Variants in FAM168A observed in about 807,000 individuals in gnomAD.
FAM168A encodes protein FAM168A.
In FAM168A, 3 loss-of-function variants were observed where a neutral mutation model predicts 28.5. The ratio of observed to expected loss-of-function variants is 0.11; its 90% CI spans 0.05 to 0.27. FAM168A has a LOEUF of 0.27. Ranked by LOEUF, FAM168A falls within the 10% of genes least tolerant of loss-of-function variation. The pLI, the probability that FAM168A is intolerant of heterozygous loss-of-function variation, is 1.00. For missense variants in FAM168A, 222 were observed against 311.5 expected, an observed-to-expected ratio of 0.71 and a Z score of 2.16; for synonymous variants, 122 against 124.2, an observed-to-expected ratio of 0.98 and a Z score of 0.12.
At chr11:73,460,727 C>T (rs933548248) in intron 2 of FAM168A, among the ~76,000 whole-genome samples, 1 of 151,998 alleles carries the variant, frequency 6.6e-6, no homozygotes, top group East Asian at 1.9e-4. Context: ...TGGTCTCGAA[C>T]TCCTGACTTC....
chr11:73,569,746 C>CG (rs1425265222), intron 1 of FAM168A, among the ~76,000 whole-genome samples: 1 of 151,852 alleles, frequency 6.6e-6, no homozygotes, highest in African/African-American at 2.4e-5. Context: ...CACTTGAACC[C>CG]GGGGGGATCG....
At chr11:73,432,653 C>T (rs1867015843) in intron 2 of FAM168A, among the ~76,000 whole-genome samples, 1 of 152,130 alleles carries the variant, frequency 6.6e-6, no homozygotes, top group Non-Finnish European at 1.5e-5. Context: ...GTGGCTCATG[C>T]CTGTAATCCC....
chr11:73,492,189 G>A (rs1458514093), intron 1 of FAM168A, among the ~76,000 whole-genome samples: 1 of 152,114 alleles, frequency 6.6e-6, no homozygotes, highest in Non-Finnish European at 1.5e-5. Context: ...AAGGTTCACC[G>A]TATTTCTTAG....
chr11:73,527,779 G>GA (rs373396307), intron 1 of FAM168A, among the ~76,000 whole-genome samples: 107 of 142,452 alleles, frequency 7.5e-4, no homozygotes, highest in Non-Finnish European at 1.0e-3. Context: ...ATGACAAAAC[G>GA]AAAAAAAAAA....
At chr11:73,473,018 TA>T (rs34862145) in intron 1 of FAM168A, among the ~76,000 whole-genome samples, 2 of 149,792 alleles carry the variant, frequency 1.3e-5, no homozygotes, top group African/African-American at 4.9e-5. Context: ...CTGTGGAGGT[TA>T]AAAAAAAAGG....
chr11:73,484,694 A>C (rs893880902), intron 1 of FAM168A, among the ~76,000 whole-genome samples: 4 of 80,878 alleles, frequency 4.9e-5, no homozygotes, highest in Non-Finnish European at 9.0e-5. Flanking sequence ...ATAGATATAT[A>C]GATATAGATA....
At chr11:73,571,552 A>G (rs1415523513) in intron 1 of FAM168A, among the ~76,000 whole-genome samples, 4 of 151,838 alleles carry the variant, frequency 2.6e-5, no homozygotes, top group African/African-American at 7.3e-5. Context: ...TCAGTGCTCA[A>G]TGGTGCCCAG....
At chr11:73,447,694 A>C (rs1000687126) in intron 2 of FAM168A, among the ~76,000 whole-genome samples, 1 of 151,406 alleles carries the variant, frequency 6.6e-6, no homozygotes. Context: ...TCACTGCCCA[A>C]ACCTATTTTT....
At chr11:73,536,875 T>C (rs376738734) in intron 1 of FAM168A, among the ~76,000 whole-genome samples, 22 of 152,294 alleles carry the variant, frequency 1.4e-4, no homozygotes, top group African/African-American at 3.8e-4. Context: ...TGTGGATAAA[T>C]TGAGTGTTCC....
intron 1 of FAM168A, among the ~76,000 whole-genome samples, chr11:73,472,212 T>C (rs1053152417): frequency 6.6e-6 from 1 of 152,138 alleles, no homozygotes; most frequent in African/African-American, 2.4e-5. Context: ...GGGCAGGTTG[T>C]TGCAATTTTA....
intron 1 of FAM168A, among the ~76,000 whole-genome samples, chr11:73,595,584 T>C (rs1005369039): frequency 2.0e-5 from 3 of 152,216 alleles, no homozygotes; most frequent in Non-Finnish European, 4.4e-5. Flanking sequence ...ATTAGGTCCA[T>C]AGAACTGTTT....
At chr11:73,586,153 C>T in intron 1 of FAM168A, among the ~76,000 whole-genome samples, 1 of 152,172 alleles carries the variant, frequency 6.6e-6, no homozygotes, top group Middle Eastern at 3.2e-3. Context: ...CAGCATGTCA[C>T]ATAGGAAAAA....
At chr11:73,411,585 T>A in intron 4 of FAM168A, 49 bp from the exon 5 acceptor site, 1 of 1,607,032 alleles carries the variant, frequency 6.2e-7, no homozygotes, top group Non-Finnish European at 8.5e-7. Context: ...CAGAAAAGCA[T>A]TGCTAGAAGG....
chr11:73,442,880 G>A (rs1430534467), intron 2 of FAM168A, among the ~76,000 whole-genome samples: 1 of 131,598 alleles, frequency 7.6e-6, no homozygotes, highest in African/African-American at 2.9e-5. Flanking sequence ...GATGCTGACA[G>A]TAAAGGAAAG....
chr11:73,593,190 G>A (rs920164430), intron 1 of FAM168A, among the ~76,000 whole-genome samples: 2 of 152,192 alleles, frequency 1.3e-5, no homozygotes, highest in Non-Finnish European at 2.9e-5. Flanking sequence ...CTGAGGGAGA[G>A]AGAAGATGGG....
chr11:73,593,120 G>T (rs564816861), intron 1 of FAM168A, among the ~76,000 whole-genome samples: 2 of 152,108 alleles, frequency 1.3e-5, no homozygotes, highest in African/African-American at 4.8e-5. Flanking sequence ...CACATATTTG[G>T]TAAAAGTATA....
intron 1 of FAM168A, among the ~76,000 whole-genome samples, chr11:73,494,650 C>T (rs543251611): frequency 6.6e-6 from 1 of 152,138 alleles, no homozygotes; most frequent in South Asian, 2.1e-4. Context: ...AGGATGGGCA[C>T]AATGAAGAGG....
At chr11:73,521,423 C>T (rs1240704549) in intron 1 of FAM168A, among the ~76,000 whole-genome samples, 1 of 152,008 alleles carries the variant, frequency 6.6e-6, no homozygotes, top group African/African-American at 2.4e-5. Flanking sequence ...GGGGCCCCCT[C>T]TTCCATTCCA....
intron 1 of FAM168A, among the ~76,000 whole-genome samples, chr11:73,485,145 A>T (rs1170970232): frequency 1.3e-5 from 2 of 152,216 alleles, no homozygotes; most frequent in Admixed American, 6.5e-5. Context: ...TTATTTTAAC[A>T]ACCATCATGT....
Sources: allele counts gnomAD v4.1 joint callset (sites outside exome capture counted in the v4.1 genomes callset), GRCh38; gene constraint gnomAD v4.1.1; transcripts MANE v1.5; gene names NCBI Gene and HGNC (gene_info 2026-07-23, HGNC 2026-07-21).